The following COL5A2 variants were observed in gnomAD, a reference collection of about 807,000 sequenced individuals.
COL5A2 encodes the protein collagen alpha-2(V) chain.
Under a neutral mutation model 208.2 loss-of-function variants are expected in COL5A2, and 23 were observed. The ratio of observed to expected loss-of-function variants is 0.11; its 90% confidence interval spans 0.08 to 0.16. COL5A2 has a LOEUF of 0.16. Among genes scored for constraint, COL5A2 ranks in the 10% least tolerant of loss-of-function variants. COL5A2 has a pLI of 1.00. For synonymous variants in COL5A2, 625 were observed against 628.5 expected (o/e 0.99, Z 0.08); for missense variants, 1,590 against 1,956.4 (o/e 0.81, Z 3.53).
At chr2:189,044,259 T>G (rs577846225) in intron 47 of COL5A2, among the ~76,000 whole-genome samples, 149 of 152,300 alleles carry the variant, frequency 9.8e-4, no homozygotes, top group African/African-American at 2.4e-3. Flanking sequence ...TTCCTAATTA[T>G]CATACAGTAT....
chr2:189,152,948 A>G (rs1474114614), intron 1 of COL5A2, among the ~76,000 whole-genome samples: 2 of 152,288 alleles, frequency 1.3e-5, no homozygotes, highest in East Asian at 3.9e-4. Flanking sequence ...TTTAAAAAAA[A>G]GTTGGGGGAA....
chr2:189,073,110 T>G (rs1301306381), intron 17 of COL5A2, among the ~76,000 whole-genome samples: 1 of 152,180 alleles, frequency 6.6e-6, no homozygotes, highest in Non-Finnish European at 1.5e-5. Flanking sequence ...TATACTTTAC[T>G]TTTGGCTAAT....
chr2:189,298,106 T>G, the COL5A2 span, among the ~76,000 whole-genome samples: 1 of 152,276 alleles, frequency 6.6e-6, no homozygotes, highest in East Asian at 1.9e-4. Flanking sequence ...CCTGTATGTA[T>G]GTATTATTAT....
At chr2:189,437,022 T>G in the COL5A2 span, among the ~76,000 whole-genome samples, 2 of 151,738 alleles carry the variant, frequency 1.3e-5, no homozygotes, top group Non-Finnish European at 2.9e-5. Flanking sequence ...AAAAGTTGAT[T>G]TAAAAAAAAA....
the COL5A2 span, among the ~76,000 whole-genome samples, chr2:189,413,552 A>T: frequency 2.0e-5 from 3 of 152,178 alleles, no homozygotes; most frequent in Admixed American, 2.0e-4. Flanking sequence ...AAGAAGAAGA[A>T]TTTTAACAAG....
chr2:189,174,367 G>T (rs1466965740), intron 1 of COL5A2, among the ~76,000 whole-genome samples: 1 of 152,142 alleles, frequency 6.6e-6, no homozygotes, highest in East Asian at 1.9e-4. Context: ...CACCATGAGG[G>T]GTATTTGGGC....
chr2:189,223,692 G>C (rs905209563), intron 1 of COL5A2, among the ~76,000 whole-genome samples: 1 of 152,084 alleles, frequency 6.6e-6, no homozygotes, highest in Non-Finnish European at 1.5e-5. Context: ...TGAGCAAAAG[G>C]AGCTACATTG....
Position 189,039,557 on chromosome 2 carries a change from G to A in COL5A2, c.3640C>T (p.Pro1214Ser). The A allele has an allele frequency of 2.5e-6, 4 of 1,613,460 alleles. No homozygotes were observed. Among genetic ancestry groups the A allele is most frequent in the Non-Finnish European group, 3.4e-6 (4 of 1,179,944 alleles). Residue 1214 changes from proline to serine, a missense_variant, in exon 51 of 54, where the codon CCT becomes TCT. By Grantham distance (74) the Pro-to-Ser change is moderately conservative (BLOSUM62 -1). Coordinates refer to ENST00000374866, the MANE Select transcript of COL5A2 (RefSeq NM_000393.5). ...GGGCCAGGTGGGCCAGGCTCACCAG[G>A]AGGGCCCTAATTAAAAAGAGATTGG... ...SVGEAGPEGP[P>S]GEPGPPGPPG...
intron 1 of COL5A2, among the ~76,000 whole-genome samples, chr2:189,213,673 A>G (rs1486065424): frequency 1.3e-5 from 2 of 152,206 alleles, no homozygotes; most frequent in South Asian, 4.1e-4. Context: ...TTATAGATTA[A>G]AAGACTTAAG....
At chr2:189,145,824 A>G (rs1688028181) in intron 1 of COL5A2, among the ~76,000 whole-genome samples, 1 of 152,178 alleles carries the variant, frequency 6.6e-6, no homozygotes, top group Middle Eastern at 3.2e-3. Flanking sequence ...GAAAATAGAT[A>G]GATAGTCCTT....
intron 1 of COL5A2, among the ~76,000 whole-genome samples, chr2:189,134,804 G>C (rs1342698590): frequency 1.3e-5 from 2 of 152,044 alleles, no homozygotes; most frequent in Non-Finnish European, 2.9e-5. Flanking sequence ...CTTAAGCTTG[G>C]CTAAAATCAG....
the COL5A2 span, among the ~76,000 whole-genome samples, chr2:189,270,627 AAG>A: frequency 6.6e-6 from 1 of 152,114 alleles, no homozygotes; most frequent in Middle Eastern, 3.4e-3. Context: ...GCGTTTGCTG[AAG>A]AGTGTTTTAC....
chr2:189,175,630 G>T (rs774043129), intron 1 of COL5A2, among the ~76,000 whole-genome samples: 16 of 146,798 alleles, frequency 1.1e-4, no homozygotes, highest in Non-Finnish European at 2.4e-4. Context: ...TGCAACCTCC[G>T]CCTCCCGGGT....
At chr2:189,116,967 G>C (rs1687404721) in intron 1 of COL5A2, among the ~76,000 whole-genome samples, 1 of 152,166 alleles carries the variant, frequency 6.6e-6, no homozygotes, top group African/African-American at 2.4e-5. Flanking sequence ...TTGATAAACT[G>C]TCTGTGAAGG....
At chr2:189,041,092 T>G (rs2153506753) in intron 50 of COL5A2, among the ~76,000 whole-genome samples, 2 of 152,316 alleles carry the variant, frequency 1.3e-5, no homozygotes, top group Middle Eastern at 6.8e-3. Flanking sequence ...AGCAAGGATC[T>G]AACTAACATA....
chr2:189,306,055 G>A, the COL5A2 span, among the ~76,000 whole-genome samples: 1 of 152,176 alleles, frequency 6.6e-6, no homozygotes, highest in African/African-American at 2.4e-5. Context: ...TAGCTCAGAA[G>A]CAATGTTCTC....
At chr2:189,126,156 C>T (rs886247368) in intron 1 of COL5A2, among the ~76,000 whole-genome samples, 1 of 151,972 alleles carries the variant, frequency 6.6e-6, no homozygotes, top group Non-Finnish European at 1.5e-5. Flanking sequence ...ATTAATTTCA[C>T]TTAACAATCA....
chr2:189,377,334 C>T, the COL5A2 span, among the ~76,000 whole-genome samples: 1 of 152,170 alleles, frequency 6.6e-6, no homozygotes, highest in South Asian at 2.1e-4. Context: ...CAAGCTCAAA[C>T]ATTTCACGCC....
In COL5A2 at chr2:189,032,651, A is replaced by G. The variant is rs1169569882; in HGVS notation, c.*1419T>C. 6.6e-6 allele frequency: 1 copy of G among 152,248 alleles called. No individual in the cohort carries two copies. Among genetic ancestry groups the G allele is most frequent in the Non-Finnish European group, 1.5e-5 (1 of 67,988 alleles). The allele number at this position is 152,248 out of a possible 1,614,324, so 9.4% of individuals were successfully genotyped here. A position where few individuals can be genotyped will look rare whatever the true frequency, so the allele number is the denominator to read the frequency against. ...AATTAAAATAGAGCCAACAAATGCAATTAAGAAAAAAAAAGTATTGAGACA... is the reference window on the plus strand; with the variant it reads ...AATTAAAATAGAGCCAACAAATGCAGTTAAGAAAAAAAAAGTATTGAGACA... On this transcript the variant is annotated 3_prime_UTR_variant, in exon 54 of 54. Coordinates refer to ENST00000374866, the MANE Select transcript of COL5A2 (RefSeq NM_000393.5).
Sources: allele counts gnomAD v4.1 joint callset (sites outside exome capture counted in the v4.1 genomes callset), GRCh38; gene constraint gnomAD v4.1.1; transcripts MANE v1.5; gene names NCBI Gene and HGNC (gene_info 2026-07-23, HGNC 2026-07-21).